Variants in SYCE1L observed in about 807,000 individuals in gnomAD.
SYCE1L encodes synaptonemal complex central element protein 1-like.
A neutral mutation model predicts 39.6 loss-of-function variants in SYCE1L; 51 were observed. The ratio of observed to expected loss-of-function variants is 1.29; its 90% CI spans 1.03 to 1.63. The LOEUF is 1.63. Among genes scored for constraint, SYCE1L ranks in the 40% most tolerant of loss-of-function variants. The pLI, the probability that SYCE1L is intolerant of heterozygous loss-of-function variation, is 0.00. For synonymous variants in SYCE1L, 147 were observed against 122.4 expected, an observed-to-expected ratio of 1.20 and a Z score of -1.33; for missense variants, 426 against 304.9, an observed-to-expected ratio of 1.40 and a Z score of -2.96.
At chr16:77,200,530 T>A in intron 1 of SYCE1L, 1 of 149,664 alleles carries the variant, frequency 6.7e-6, no homozygotes. Flanking sequence ...CCGAGGCGGG[T>A]GGGTCACCTG....
chr16:77,210,690 A>G (rs1037135206), intron 6 of SYCE1L, among the ~76,000 whole-genome samples: 1 of 152,072 alleles, frequency 6.6e-6, no homozygotes, highest in Non-Finnish European at 1.5e-5. Flanking sequence ...ACGCCTCACA[A>G]AGCTTTCTTG....
At position 77,199,520 on chromosome 16, in the gene SYCE1L, G is replaced by A. The variant is rs1404822923; in HGVS notation, c.61+8G>A. 1 of 1,550,114 alleles carries A rather than the reference G, an allele frequency of 6.5e-7. No individual in the cohort carries two copies. Among genetic ancestry groups the A allele is most frequent in the East Asian group, 2.4e-5 (1 of 40,918 alleles). On this transcript the variant is annotated splice_region_variant and intron_variant, in intron 1 of 10. Transcript: ENST00000378644. ...CTACTGAGGAGGCTGAAGGTAGTGA[G>A]GGCAAGTGGGCTGCACTCCTTTCTC...
intron 1 of SYCE1L, chr16:77,202,457 G>C (rs2054752895): frequency 6.6e-6 from 1 of 152,192 alleles, no homozygotes; most frequent in Admixed American, 6.5e-5. Context: ...GTGTCAAAAT[G>C]TTAGTTGGAT....
chr16:77,201,999 A>T (rs2042424), intron 1 of SYCE1L: 1 of 152,180 alleles, frequency 6.6e-6, no homozygotes, highest in Non-Finnish European at 1.5e-5. Flanking sequence ...CTGGACAAGG[A>T]ATTTGGATTT....
chr16:77,212,633 C>T lies in SYCE1L; in HGVS notation c.641C>T (p.Ala214Val), dbSNP rs1221647361. ...EQVRSAPEVG[A>V]GEGEAGPELP... ...GTCCGGAGCGCCCCCGAGGTCGGGG[C>T]CGGCGAGGGAGAGGTAGGGAGCCCG... Residue 214 changes from alanine (A) to valine (V), a missense_variant, in exon 10 of 11, where the codon GCC becomes GTC. Ala to Val is a moderately conservative substitution (Grantham distance 64). Coordinates refer to ENST00000378644, the MANE Select transcript of SYCE1L (RefSeq NM_001129979.3). The T allele has an allele frequency of 1.2e-5, 19 of 1,534,426 alleles. No individual in the cohort carries two copies. The Admixed American group carries it at 3.7e-4, about 30-fold the overall frequency.
At position 77,200,291 on chromosome 16, in the gene SYCE1L, T is replaced by TATATATATATATATATATATATACAC; in HGVS notation, c.61+780_61+781insTATATATATATATATATATATACACA. The stretch of plus-strand genomic sequence containing the variant: ...ATATATGTGTATATATATATATATA[T>TATATATATATATATATATATATACAC]ACACACACTAATCAGCCGGGCGCGG... On this transcript the variant is annotated intron_variant, in intron 1 of 10. Coordinates refer to ENST00000378644, the MANE Select transcript of SYCE1L (RefSeq NM_001129979.3). 1.6e-3 allele frequency: 176 copies of TATATATATATATATATATATATACAC among 111,306 alleles called. 3 individuals carry two copies. The highest frequency in any genetic ancestry group is 2.7e-3 in the Admixed American group (31 of 11,436). The allele number at this position is 111,306 out of a possible 1,614,324, so 6.9% of individuals were successfully genotyped here. A position where few individuals can be genotyped will look rare whatever the true frequency, so the allele number is the denominator to read the frequency against.
chr16:77,211,160 A>C (rs1192985470), intron 6 of SYCE1L, 53 bp from the exon 7 acceptor site: 1 of 1,544,826 alleles, frequency 6.5e-7, no homozygotes, highest in South Asian at 1.2e-5. Context: ...GGAGCCCCCA[A>C]CAGGGTGTCA....
chr16:77,203,045 T>G (rs1391942229), intron 1 of SYCE1L, among the ~76,000 whole-genome samples: 3 of 152,208 alleles, frequency 2.0e-5, no homozygotes, highest in Non-Finnish European at 2.9e-5. Context: ...GCCAACTTGT[T>G]CAAAGTGATT....
rs373375255 is a variant in SYCE1L, at chr16:77,199,566, G to A, written c.61+54G>A. The A allele has an allele frequency of 8.0e-5, 106 of 1,325,486 alleles. No individual in the cohort carries two copies. The African/African-American group carries it at 1.2e-3, about 16-fold the overall frequency. 82.1% of individuals were successfully genotyped at this position (1,325,486 alleles called of 1,614,324 possible). A position where few individuals can be genotyped will look rare whatever the true frequency, so the allele number is the denominator to read the frequency against. On this transcript the variant is annotated intron_variant, in intron 1 of 10. Coordinates refer to ENST00000378644, the MANE Select transcript of SYCE1L (RefSeq NM_001129979.3). The stretch of plus-strand genomic sequence containing the variant: ...TTCTCTCCAACCAGGGCAGAAAGGA[G>A]GGAGGATTCGTCCCATTACAATAAT...
At chr16:77,200,542 G>A (rs1482800474) in intron 1 of SYCE1L, 3 of 151,388 alleles carry the variant, frequency 2.0e-5, no homozygotes, top group African/African-American at 7.3e-5. Context: ...GGTCACCTGA[G>A]GTCAGGAGTT....
Position 77,212,279 on chromosome 16 carries a change from C to G in SYCE1L, c.494-3C>G, listed in dbSNP as rs374642507. 13 of 1,519,124 alleles carry G rather than the reference C, an allele frequency of 8.6e-6. No individual in the cohort carries two copies. The highest frequency in any genetic ancestry group is 1.1e-5 in the Non-Finnish European group (12 of 1,134,224). The allele number at this position is 1,519,124 out of a possible 1,614,324, so 94.1% of individuals were successfully genotyped here. On this transcript the variant is annotated splice_polypyrimidine_tract_variant and splice_region_variant and intron_variant, in intron 8 of 10. Transcript: ENST00000378644. ...CCTGCCCCTGACGCCCGCCCACCGA[C>G]AGGGAGGCTGGTGCGCGCCAAGCTG...
intron 5 of SYCE1L, 35 bp downstream of exon 5, chr16:77,209,179 T>A (rs1424649176): frequency 3.2e-6 from 5 of 1,549,600 alleles, no homozygotes; most frequent in Non-Finnish European, 4.4e-6. Context: ...CTTATTCTAC[T>A]CTTCCACCCC....
intron 2 of SYCE1L, 75 bp from the exon 3 acceptor site, chr16:77,208,135 A>G (rs868050271): frequency 2.9e-6 from 4 of 1,402,538 alleles, no homozygotes; most frequent in Middle Eastern, 2.3e-4. Flanking sequence ...CAGCAGACAC[A>G]GTGCTTCTCC....
chr16:77,200,291 T>TCTATATATATATATATATACAC lies in SYCE1L; in HGVS notation c.61+779_61+780insCTATATATATATATATATACAC, dbSNP rs1555502425. 40 of 111,438 alleles carry TCTATATATATATATATATACAC rather than the reference T, an allele frequency of 3.6e-4. 2 individuals carry two copies. The highest frequency in any genetic ancestry group is 1.2e-3 in the African/African-American group (37 of 29,778). The allele number at this position is 111,438 out of a possible 1,614,324, so 6.9% of individuals were successfully genotyped here. ...ATATATGTGTATATATATATATATA[T>TCTATATATATATATATATACAC]ACACACACTAATCAGCCGGGCGCGG... On this transcript the variant is annotated intron_variant, in intron 1 of 10. Transcript: ENST00000378644.
intron 1 of SYCE1L, chr16:77,201,849 G>T (rs2054747037): frequency 6.6e-6 from 1 of 151,992 alleles, no homozygotes; most frequent in Non-Finnish European, 1.5e-5. Flanking sequence ...GATTATTATT[G>T]ACACACAAGG....
intron 6 of SYCE1L, among the ~76,000 whole-genome samples, chr16:77,210,206 A>G (rs1402129212): frequency 6.6e-6 from 1 of 152,034 alleles, no homozygotes; most frequent in Non-Finnish European, 1.5e-5. Flanking sequence ...TGCCCGGCTA[A>G]TTTTGTGTTT....
chr16:77,208,916 T>C (rs1418708422), intron 4 of SYCE1L, among the ~76,000 whole-genome samples, 181 bp from the exon 5 acceptor site: 1 of 152,176 alleles, frequency 6.6e-6, no homozygotes, highest in Non-Finnish European at 1.5e-5. Context: ...AATGTGGGCA[T>C]AGAGGGGGAG....
At chr16:77,209,629 T>C (rs140853051) in intron 6 of SYCE1L, among the ~76,000 whole-genome samples, 158 bp downstream of exon 6, 1 of 151,744 alleles carries the variant, frequency 6.6e-6, no homozygotes, top group East Asian at 1.9e-4. Context: ...TCTCTGATAT[T>C]AAATGGTCGT....
At chr16:77,201,031 A>G (rs1202958603) in intron 1 of SYCE1L, 2 of 152,208 alleles carry the variant, frequency 1.3e-5, no homozygotes, top group Non-Finnish European at 1.5e-5. Flanking sequence ...CCATACAGAC[A>G]TCAAAGTAAT....
Sources: allele counts gnomAD v4.1 joint callset (sites outside exome capture counted in the v4.1 genomes callset), GRCh38; gene constraint gnomAD v4.1.1; transcripts MANE v1.5; gene names NCBI Gene and HGNC (gene_info 2026-07-23, HGNC 2026-07-21).